LRMDA: variants seen among roughly 807,000 people sequenced by gnomAD.
LRMDA encodes leucine rich melanocyte differentiation associated.
Under a neutral mutation model 29.8 loss-of-function variants are expected in LRMDA, and 18 were observed. That is an observed-to-expected ratio of 0.60 (90% CI 0.42 to 0.90). The LOEUF is 0.90. Among genes scored for constraint, LRMDA ranks in the 40% least tolerant of loss-of-function variants. LRMDA has a pLI of 0.00. For synonymous variants in LRMDA, 125 were observed against 109.4 expected, an observed-to-expected ratio of 1.14 and a Z score of -0.89; for missense variants, 273 against 273.9, an observed-to-expected ratio of 1.00 and a Z score of 0.02.
intron 2 of LRMDA, among the ~76,000 whole-genome samples, chr10:75,921,630 A>T (rs1846026532): frequency 6.6e-6 from 1 of 152,234 alleles, no homozygotes; most frequent in African/African-American, 2.4e-5. Flanking sequence ...GCATGTGTGC[A>T]TGTGGGCATA....
chr10:75,884,031 T>G (rs1460512627), intron 2 of LRMDA, among the ~76,000 whole-genome samples: 1 of 152,016 alleles, frequency 6.6e-6, no homozygotes, highest in Non-Finnish European at 1.5e-5. Context: ...CTTTTGAATT[T>G]TTATTTTTTT....
At chr10:76,390,425 A>G (rs976961393) in intron 6 of LRMDA, among the ~76,000 whole-genome samples, 2 of 152,058 alleles carry the variant, frequency 1.3e-5, no homozygotes, top group Non-Finnish European at 2.9e-5. Context: ...TAAGGCTTCC[A>G]TGATGCAACT....
chr10:76,477,520 A>G (rs1392834258), intron 6 of LRMDA, among the ~76,000 whole-genome samples: 1 of 152,094 alleles, frequency 6.6e-6, no homozygotes, highest in African/African-American at 2.4e-5. Context: ...CAAGCTACCA[A>G]TGACTTTCTT....
At chr10:75,456,145 A>C (rs1474758790) in intron 2 of LRMDA, among the ~76,000 whole-genome samples, 2 of 152,236 alleles carry the variant, frequency 1.3e-5, no homozygotes, top group African/African-American at 2.4e-5. Flanking sequence ...CTGGAGTGAC[A>C]GGAGTTGCGG....
chr10:76,385,889 G>T (rs1841653495), intron 6 of LRMDA, among the ~76,000 whole-genome samples: 1 of 152,110 alleles, frequency 6.6e-6, no homozygotes, highest in Non-Finnish European at 1.5e-5. Context: ...TCTCCAGAGT[G>T]CCCATAGTAA....
intron 2 of LRMDA, among the ~76,000 whole-genome samples, chr10:75,984,023 G>A (rs145564750): frequency 5.3e-5 from 8 of 152,258 alleles, no homozygotes; most frequent in Non-Finnish European, 1.2e-4. Flanking sequence ...GCAGGGAGCC[G>A]GCCAGGCAGC....
intron 6 of LRMDA, among the ~76,000 whole-genome samples, chr10:76,422,795 A>G (rs967962486): frequency 1.3e-5 from 2 of 152,202 alleles, no homozygotes; most frequent in Admixed American, 6.5e-5. Flanking sequence ...CCCCTGGGGC[A>G]TCTACCCCTA....
chr10:75,702,801 G>C (rs1251608950), intron 2 of LRMDA, among the ~76,000 whole-genome samples: 1 of 152,200 alleles, frequency 6.6e-6, no homozygotes, highest in African/African-American at 2.4e-5. Flanking sequence ...CTTATGAGTT[G>C]TGGTATAGTT....
chr10:75,474,998 C>CTA (rs1844772923), intron 2 of LRMDA, among the ~76,000 whole-genome samples: 2 of 152,296 alleles, frequency 1.3e-5, no homozygotes, highest in South Asian at 4.1e-4. Context: ...AAGGTGGAAA[C>CTA]TAGTTATCCA....
intron 2 of LRMDA, among the ~76,000 whole-genome samples, chr10:75,735,376 G>A (rs1842749655): frequency 6.6e-6 from 1 of 152,150 alleles, no homozygotes; most frequent in African/African-American, 2.4e-5. Context: ...TTTGCTCAGG[G>A]AATGACCTTA....
In LRMDA at chr10:76,559,476, T is replaced by TTGA. The variant is rs1408318325; in HGVS notation, c.*2190_*2192dup. Reference sequence around the variant, plus strand: ...CCATCACTAAGGTATATTCATCTTATTGATAGAATTATAGTCAGCTTTGTT... The same window carrying TTGA: ...CCATCACTAAGGTATATTCATCTTATTGATGATAGAATTATAGTCAGCTTTGTT... On this transcript the variant is annotated 3_prime_UTR_variant, in exon 7 of 7. Coordinates refer to ENST00000611255, the MANE Select transcript of LRMDA (RefSeq NM_001305581.2). 3.3e-5 allele frequency: 5 copies of TTGA among 152,218 alleles called. No individual in the cohort carries two copies. The highest frequency in any genetic ancestry group is 2.1e-4 in the South Asian group (1 of 4,828). The allele number at this position is 152,218 out of a possible 1,614,324, so 9.4% of individuals were successfully genotyped here. A position where few individuals can be genotyped will look rare whatever the true frequency, so the allele number is the denominator to read the frequency against.
At chr10:75,717,151 G>A (rs1304324972) in intron 2 of LRMDA, among the ~76,000 whole-genome samples, 2 of 152,206 alleles carry the variant, frequency 1.3e-5, no homozygotes, top group African/African-American at 2.4e-5. Flanking sequence ...GCTCAGAGGA[G>A]GAAAATATTT....
At chr10:75,497,728 G>C (rs148981935) in intron 2 of LRMDA, among the ~76,000 whole-genome samples, 1 of 151,344 alleles carries the variant, frequency 6.6e-6, no homozygotes, top group East Asian at 1.9e-4. Context: ...TTTTGTGTAC[G>C]TGAGGCTTCT....
chr10:75,991,150 A>G (rs1330259361), intron 2 of LRMDA, among the ~76,000 whole-genome samples: 2 of 152,190 alleles, frequency 1.3e-5, no homozygotes, highest in Non-Finnish European at 2.9e-5. Context: ...GCAGGATTGG[A>G]AAATACATAT....
intron 2 of LRMDA, among the ~76,000 whole-genome samples, chr10:75,491,433 T>G (rs1383091251): frequency 6.6e-6 from 1 of 152,192 alleles, no homozygotes; most frequent in Non-Finnish European, 1.5e-5. Context: ...GTGGGGGAAC[T>G]TGTCACCCAC....
chr10:76,083,834 A>G (rs1404281758), intron 5 of LRMDA, among the ~76,000 whole-genome samples: 7 of 45,454 alleles, frequency 1.5e-4, no homozygotes, highest in Non-Finnish European at 3.9e-4. Context: ...ACTGCATCTC[A>G]AAAAAAAAAA....
At chr10:76,002,994 G>GAAAACAC (rs1315215339) in intron 2 of LRMDA, among the ~76,000 whole-genome samples, 1 of 152,166 alleles carries the variant, frequency 6.6e-6, no homozygotes, top group Non-Finnish European at 1.5e-5. Context: ...TTCCAGAATG[G>GAAAACAC]AAAACACAAA....
At chr10:76,408,806 G>A (rs1451426909) in intron 6 of LRMDA, among the ~76,000 whole-genome samples, 4 of 151,902 alleles carry the variant, frequency 2.6e-5, no homozygotes, top group African/African-American at 9.7e-5. Flanking sequence ...CCTCACTCCC[G>A]GGAAGAAATA....
At chr10:75,511,394 A>G (rs1845224752) in intron 2 of LRMDA, among the ~76,000 whole-genome samples, 1 of 152,180 alleles carries the variant, frequency 6.6e-6, no homozygotes, top group African/African-American at 2.4e-5. Context: ...GGATTCTGGT[A>G]GCAACTTTAC....
Sources: gnomAD v4.1 joint callset for allele counts (sites outside exome capture counted in the v4.1 genomes callset) on GRCh38, gnomAD v4.1.1 for gene constraint, MANE v1.5 for transcripts, NCBI Gene and HGNC (gene_info 2026-07-23, HGNC 2026-07-21) for gene names.